Variants in KANK4 observed in about 807,000 individuals in gnomAD.
KANK4 encodes KN motif and ankyrin repeat domains 4.
KANK4 carries 50 observed loss-of-function variants against 80.8 expected under a neutral mutation model. That is an observed-to-expected ratio of 0.62 (90% CI 0.49 to 0.78). The LOEUF is 0.78. KANK4 is among the 30% of genes least tolerant of loss of function. The pLI is 0.00. For missense variants in KANK4, 1,196 were observed against 1,240.1 expected (o/e 0.96, Z 0.53); for synonymous variants, 465 against 506.9 (o/e 0.92, Z 1.11).
At position 62,253,124 on chromosome 1, in the gene KANK4, G is replaced by A. The variant is rs771024675; in HGVS notation, c.2625C>T (p.Asp875=). Reference sequence around the variant, plus strand: ...TTAAGAGCTTCCAGACAACAGCCATGTCTTCATTGGTCTCTGCGGAAGCCA... The same window carrying A: ...TTAAGAGCTTCCAGACAACAGCCATATCTTCATTGGTCTCTGCGGAAGCCA... ...TPLASAETNE[D]MAVVWKLLRE... The change falls in exon 8 of 10, where the codon GAC becomes GAT. Residue 875 remains aspartate, a synonymous_variant. Transcript: ENST00000371153. The A allele has an allele frequency of 1.1e-5, 18 of 1,613,968 alleles. No individual in the cohort carries two copies. The South Asian group carries it at 1.8e-4, about 16-fold the overall frequency.
intron 1 of KANK4, among the ~76,000 whole-genome samples, chr1:62,300,174 C>T (rs539579917): frequency 8.5e-5 from 13 of 152,270 alleles, no homozygotes; most frequent in African/African-American, 3.1e-4. Flanking sequence ...GAGAAAGAGA[C>T]CACAATGCTT....
At chr1:62,303,412 A>G (rs1365757784) in intron 1 of KANK4, among the ~76,000 whole-genome samples, 1 of 151,980 alleles carries the variant, frequency 6.6e-6, no homozygotes, top group Non-Finnish European at 1.5e-5. Context: ...ACAAGTGCAA[A>G]GGTGAGGACA....
At chr1:62,269,208 T>C (rs12074855) in intron 4 of KANK4, among the ~76,000 whole-genome samples, 2,086 of 152,342 alleles carry the variant, frequency 0.014, 43 homozygotes, top group African/African-American at 0.047. Context: ...CTCTGTTGAG[T>C]TGGCAGACCA....
intron 5 of KANK4, among the ~76,000 whole-genome samples, chr1:62,267,572 C>T (rs1322425588): frequency 2.0e-5 from 3 of 152,066 alleles, no homozygotes; most frequent in African/African-American, 4.8e-5. Flanking sequence ...GAGGCTGAGG[C>T]GGGTGGATCA....
At chr1:62,259,422 G>T (rs1452561325) in intron 7 of KANK4, among the ~76,000 whole-genome samples, 6 of 152,072 alleles carry the variant, frequency 3.9e-5, no homozygotes, top group Non-Finnish European at 8.8e-5. Flanking sequence ...GACCACAGGC[G>T]TGTGCCATCA....
chr1:62,267,270 A>G (rs572773241), intron 5 of KANK4, among the ~76,000 whole-genome samples: 1 of 151,888 alleles, frequency 6.6e-6, no homozygotes, highest in East Asian at 1.9e-4. Flanking sequence ...CATGAAGGAC[A>G]CCGTAAGTAC....
intron 5 of KANK4, 141 bp downstream of exon 5, chr1:62,268,146 T>C: frequency 1.1e-5 from 8 of 718,386 alleles, no homozygotes; most frequent in South Asian, 1.6e-5. Context: ...CAGTGCACAG[T>C]GTGGGCATGA....
chr1:62,310,122 A>G (rs960345991), intron 1 of KANK4, among the ~76,000 whole-genome samples: 1 of 152,214 alleles, frequency 6.6e-6, no homozygotes, highest in Non-Finnish European at 1.5e-5. Context: ...CCAAAATATC[A>G]GTCACTTAAC....
intron 1 of KANK4, 28 bp downstream of exon 1, chr1:62,319,078 G>C (rs1644567318): frequency 6.6e-6 from 1 of 152,226 alleles, no homozygotes; most frequent in Admixed American, 6.5e-5. Context: ...GACGCACTGC[G>C]GGGGACTGGG....
intron 1 of KANK4, among the ~76,000 whole-genome samples, chr1:62,286,620 G>A (rs956168139): frequency 4.6e-5 from 7 of 152,146 alleles, no homozygotes; most frequent in Non-Finnish European, 1.0e-4. Context: ...AATTAATTAT[G>A]AGCTTCTTCC....
intron 1 of KANK4, among the ~76,000 whole-genome samples, chr1:62,287,129 C>T (rs1407046502): frequency 6.6e-6 from 1 of 152,112 alleles, no homozygotes; most frequent in Non-Finnish European, 1.5e-5. Context: ...GGAGGGTCTT[C>T]CTACAGCCCA....
intron 4 of KANK4, among the ~76,000 whole-genome samples, chr1:62,270,375 TCTTTG>T (rs1326629527): frequency 6.6e-6 from 1 of 151,044 alleles, no homozygotes; most frequent in Non-Finnish European, 1.5e-5. Flanking sequence ...TCATTTTTTT[TCTTTG>T]CTTTGCTTTT....
intron 1 of KANK4, among the ~76,000 whole-genome samples, chr1:62,282,987 A>G (rs1557496428): frequency 1.3e-5 from 2 of 152,206 alleles, no homozygotes; most frequent in African/African-American, 4.8e-5. Flanking sequence ...AGTGGCCGCC[A>G]AGGAGGCAGA....
intron 2 of KANK4, among the ~76,000 whole-genome samples, chr1:62,277,317 TAAATG>T (rs1237049041): frequency 2.0e-5 from 3 of 152,186 alleles, no homozygotes; most frequent in Non-Finnish European, 4.4e-5. Context: ...GACTGGGTGA[TAAATG>T]AACAAATAGG....
At position 62,254,748 on chromosome 1, in the gene KANK4, A is replaced by G. The variant is rs554715011; in HGVS notation, c.2540-1539T>C. The stretch of plus-strand genomic sequence containing the variant: ...TTTTATTTTTTTTTAATGTATTTTT[A>G]GTAGAGATGGGATTTCACCATGTTG... On this transcript the variant is annotated intron_variant, in intron 7 of 9. Transcript: ENST00000371153. Among the ~76,000 whole-genome samples the G allele has an allele frequency of 8.9e-4, 134 of 150,772 alleles. 1 individual carries two copies. The highest frequency in any genetic ancestry group is 1.6e-3 in the Non-Finnish European group (109 of 67,808).
In KANK4 at chr1:62,257,845, G is replaced by A. The variant is rs943226063; in HGVS notation, c.2540-4636C>T. On this transcript the variant is annotated intron_variant, in intron 7 of 9. Coordinates refer to ENST00000371153, the MANE Select transcript of KANK4 (RefSeq NM_181712.5). ...CCACTTTAAAGTCGATGAGTATTAA[G>A]TGAATTCTTAGCATCAGCAGATATT... is the stretch of plus-strand genomic sequence containing the variant. Among the ~76,000 whole-genome samples the A allele has an allele frequency of 2.6e-5, 4 of 152,174 alleles. No homozygotes were observed. The East Asian group carries it at 7.7e-4, about 29-fold the overall frequency.
At chr1:62,272,180 C>T (rs1256312858) in intron 3 of KANK4, 1 of 152,914 alleles carries the variant, frequency 6.5e-6, no homozygotes, top group East Asian at 1.9e-4. Context: ...AGCAGACTCG[C>T]ATGCTGCCCT....
At chr1:62,302,296 G>T (rs912896) in intron 1 of KANK4, among the ~76,000 whole-genome samples, 36,481 of 151,850 alleles carry the variant, frequency 0.24, 4,711 homozygotes, top group Middle Eastern at 0.36. Flanking sequence ...AGAAGCCGAG[G>T]GAGAAGGATG....
At chr1:62,266,335 C>T (rs528318497) in intron 6 of KANK4, among the ~76,000 whole-genome samples, 33 of 152,126 alleles carry the variant, frequency 2.2e-4, no homozygotes, top group African/African-American at 4.8e-4. Flanking sequence ...TGCACACTCA[C>T]GCCACTCACA....
Sources: allele counts gnomAD v4.1 joint callset (sites outside exome capture counted in the v4.1 genomes callset), GRCh38; gene constraint gnomAD v4.1.1; transcripts MANE v1.5; gene names NCBI Gene and HGNC (gene_info 2026-07-23, HGNC 2026-07-21).